Variants in NINL observed in about 807,000 individuals in gnomAD.
NINL encodes ninein like, also known as ninein-like protein.
In NINL, 153 loss-of-function variants were observed where a neutral mutation model predicts 160.3. The observed-to-expected ratio is 0.95, with a 90% CI of 0.84 to 1.09. The LOEUF (loss-of-function observed/expected upper bound fraction) is 1.09. NINL is among the 50% of genes least tolerant of loss of function. The probability of loss-of-function intolerance (pLI) is 0.00; values close to 1 mark genes in which losing one functional copy is unlikely to be tolerated. For synonymous variants in NINL, 800 were observed against 734.8 expected (o/e 1.09, Z -1.43); for missense variants, 1,829 against 1,764.0 (o/e 1.04, Z -0.66).
intron 17 of NINL, among the ~76,000 whole-genome samples, chr20:25,470,832 A>T (rs2146441126): frequency 6.6e-6 from 1 of 152,240 alleles, no homozygotes; most frequent in South Asian, 2.1e-4. Flanking sequence ...TTGTCTGTGA[A>T]AAAACAAAAA....
intron 8 of NINL, chr20:25,499,039 T>C: frequency 1.0e-6 from 1 of 985,472 alleles, no homozygotes; most frequent in Non-Finnish European, 1.2e-6. Context: ...TTTCCACTTG[T>C]GGCTACAAAC....
At chr20:25,468,591 T>A in intron 18 of NINL, among the ~76,000 whole-genome samples, 1 of 96,608 alleles carries the variant, frequency 1.0e-5, no homozygotes, top group African/African-American at 4.6e-5. Context: ...GTCACTGGTC[T>A]GTGCCCCTCT....
intron 1 of NINL, among the ~76,000 whole-genome samples, chr20:25,559,137 G>A (rs927971390): frequency 2.0e-5 from 3 of 152,200 alleles, no homozygotes; most frequent in East Asian, 1.9e-4. Context: ...ATAGGGCCAC[G>A]TAAGGCAAGG....
At position 25,498,268 on chromosome 20, in the gene NINL, C is replaced by T; in HGVS notation, c.1111G>A (p.Asp371Asn). The stretch of plus-strand genomic sequence containing the variant: ...AGGGCTGCCTGCTGGACGGCACTGT[C>T]CACTGTCATGAGCTCGTTGTCAAGG... ...WALDNELMTV[D>N]SAVQQAALAC... Residue 371 changes from aspartate (D) to asparagine (N), a missense_variant, in exon 9 of 24, where the codon GAC becomes AAC. Coordinates refer to ENST00000278886, the MANE Select transcript of NINL (RefSeq NM_025176.6). 6 of 1,613,332 alleles carry T rather than the reference C, an allele frequency of 3.7e-6. No homozygotes were observed. In the East Asian group the frequency reaches 1.3e-4, roughly 36 times the overall value.
intron 23 of NINL, 66 bp downstream of exon 23, chr20:25,455,607 A>G: frequency 8.7e-7 from 1 of 1,146,466 alleles, no homozygotes; most frequent in African/African-American, 1.5e-5. Flanking sequence ...CTACCTGCAC[A>G]CCCATAAAAG....
intron 21 of NINL, among the ~76,000 whole-genome samples, chr20:25,460,767 G>A (rs1003317287): frequency 1.3e-5 from 2 of 152,084 alleles, no homozygotes; most frequent in Admixed American, 1.3e-4. Flanking sequence ...CAGGGCCAGC[G>A]CCGGGGGGGA....
chr20:25,560,820 CACA>C (rs1158050633), intron 1 of NINL, among the ~76,000 whole-genome samples: 12 of 151,900 alleles, frequency 7.9e-5, no homozygotes, highest in East Asian at 3.8e-4. Flanking sequence ...AAATGACAGC[CACA>C]ACAACAACAA....
chr20:25,514,356 G>T (rs1320297431), intron 3 of NINL, among the ~76,000 whole-genome samples: 3 of 152,178 alleles, frequency 2.0e-5, no homozygotes, highest in African/African-American at 7.2e-5. Flanking sequence ...TTTTTAAGCA[G>T]CAAGGCATTC....
intron 10 of NINL, 107 bp from the exon 11 acceptor site, chr20:25,491,632 G>C: frequency 7.4e-7 from 1 of 1,350,426 alleles, no homozygotes; most frequent in Non-Finnish European, 1.0e-6. Flanking sequence ...CCTGTCCTCA[G>C]CACGTGCAGG....
rs142800010 is a variant in NINL, at chr20:25,509,820, T to C, written c.517+854A>G. On this transcript the variant is annotated intron_variant, in intron 5 of 23. Transcript: ENST00000278886. ...ATTCATAATTAATATATTTGTTTGC[T>C]TTTTAATGTCAAGGAAGTATTATAG... 1,822 of 415,716 alleles carry C rather than the reference T, an allele frequency of 4.4e-3. 9 individuals carry two copies. Among genetic ancestry groups the C allele is most frequent in the South Asian group, 8.8e-3 (499 of 56,492 alleles). The allele number at this position is 415,716 out of a possible 1,614,324, so 25.8% of individuals were successfully genotyped here.
At chr20:25,573,467 T>C (rs1247822723) in intron 1 of NINL, among the ~76,000 whole-genome samples, 1 of 152,118 alleles carries the variant, frequency 6.6e-6, no homozygotes, top group Non-Finnish European at 1.5e-5. Context: ...GATGCTCTTC[T>C]ACGCTCTCTA....
rs754896430 is a variant in NINL, at chr20:25,512,993, G to A, written c.291C>T (p.Ala97=). The change falls in exon 4 of 24, where the codon GCC becomes GCT. Residue 97 remains alanine, a synonymous_variant. Transcript: ENST00000278886. ...SSSLESAASS[A]IPPKYVNGSK... ...AACCATTCACATACTTTGGAGGGAT[G>A]GCACTGGAGGCAGCTGGAAAGGAAA... The A allele has an allele frequency of 1.0e-5, 16 of 1,596,642 alleles. No homozygotes were observed. Among genetic ancestry groups the A allele is most frequent in the Non-Finnish European group, 1.4e-5 (16 of 1,168,068 alleles).
At chr20:25,520,988 A>G (rs1235005365) in intron 2 of NINL, among the ~76,000 whole-genome samples, 1 of 152,226 alleles carries the variant, frequency 6.6e-6, no homozygotes, top group Non-Finnish European at 1.5e-5. Context: ...CCTGCTTGGA[A>G]TTCCATGGGC....
At position 25,510,660 on chromosome 20, in the gene NINL, G is replaced by A. The variant is rs1394500598; in HGVS notation, c.517+14C>T. 1.2e-6 allele frequency: 2 copies of A among 1,612,666 alleles called. No individual in the cohort carries two copies. The highest frequency in any genetic ancestry group is 1.7e-6 in the Non-Finnish European group (2 of 1,179,086). On this transcript the variant is annotated intron_variant, in intron 5 of 23. Transcript: ENST00000278886. ...CAAAGGCAGAGAGCACTGAATGCGAGGCTGAGGCTTTACCTTGTGCTTCAA... is the reference window on the plus strand; with the variant it reads ...CAAAGGCAGAGAGCACTGAATGCGAAGCTGAGGCTTTACCTTGTGCTTCAA...
At chr20:25,575,104 G>A (rs192301823) in intron 1 of NINL, among the ~76,000 whole-genome samples, 87 of 152,246 alleles carry the variant, frequency 5.7e-4, no homozygotes, top group African/African-American at 2.1e-3. Flanking sequence ...AGTGAATATA[G>A]GACTAGCTTT....
At position 25,510,792 on chromosome 20, in the gene NINL, G is replaced by T. The variant is rs185323610; in HGVS notation, c.451-52C>A. The T allele has an allele frequency of 9.7e-5, 132 of 1,367,742 alleles. 1 individual carries two copies. In the African/African-American group the frequency reaches 1.6e-3, roughly 16 times the overall value. The allele number at this position is 1,367,742 out of a possible 1,614,324, so 84.7% of individuals were successfully genotyped here. A position where few individuals can be genotyped will look rare whatever the true frequency, so the allele number is the denominator to read the frequency against. ...GTGAGTTCCAGGGGGTGCTGCTGGGGACGGAGCACCGGGAACAAATAGAGC... is the reference window on the plus strand; with the variant it reads ...GTGAGTTCCAGGGGGTGCTGCTGGGTACGGAGCACCGGGAACAAATAGAGC... On this transcript the variant is annotated intron_variant, in intron 4 of 23. Transcript: ENST00000278886.
rs776861594 is a variant in NINL, at chr20:25,500,933, G to A, written c.939C>T (p.Ser313=). 4.3e-6 allele frequency: 7 copies of A among 1,614,244 alleles called. No individual in the cohort carries two copies. The South Asian group carries it at 6.6e-5, about 15-fold the overall frequency. The stretch of plus-strand genomic sequence containing the variant: ...CGAAGCCAGAACCATCGTCAATGCT[G>A]GAGAAGAGGCGCAGGCTGGAGCACA... ...VSLCSSLRLF[S]SIDDGSGFAF... is the part of the protein sequence containing the mutation. Residue 313 remains serine, a synonymous_variant, in exon 8 of 24, where the codon TCC becomes TCT. Coordinates refer to ENST00000278886, the MANE Select transcript of NINL (RefSeq NM_025176.6).
chr20:25,510,872 A>G (rs2064057538), intron 4 of NINL, 132 bp from the exon 5 acceptor site: 2 of 697,310 alleles, frequency 2.9e-6, no homozygotes, highest in Admixed American at 5.3e-5. Context: ...CCTCAGAGGA[A>G]AAGCCCACCC....
chr20:25,482,274 T>G (rs534617528), intron 13 of NINL, among the ~76,000 whole-genome samples, 174 bp from the exon 14 acceptor site: 4 of 152,338 alleles, frequency 2.6e-5, no homozygotes, highest in Admixed American at 1.3e-4. Flanking sequence ...GCTAACATCA[T>G]GGTGAGATAA....
Sources: allele counts gnomAD v4.1 joint callset (sites outside exome capture counted in the v4.1 genomes callset), GRCh38; gene constraint gnomAD v4.1.1; transcripts MANE v1.5; gene names NCBI Gene and HGNC (gene_info 2026-07-23, HGNC 2026-07-21).